ITGAE: variants seen among roughly 807,000 people sequenced by gnomAD.
The protein encoded by ITGAE is integrin subunit alpha E, also known as integrin alpha-E.
In ITGAE, 99 loss-of-function variants were observed where a neutral mutation model predicts 136.5. The observed-to-expected ratio is 0.73, with a 90% CI of 0.62 to 0.86. The LOEUF (loss-of-function observed/expected upper bound fraction) is 0.86. ITGAE is among the 40% of genes least tolerant of loss of function. The pLI, the probability that ITGAE is intolerant of heterozygous loss-of-function variation, is 0.00. For missense variants in ITGAE, 1,447 were observed against 1,515.3 expected (o/e 0.95, Z 0.75); for synonymous variants, 613 against 591.8 (o/e 1.04, Z -0.52).
intron 1 of ITGAE, among the ~76,000 whole-genome samples, chr17:3,786,426 G>T (rs1034755368): frequency 1.3e-5 from 2 of 151,986 alleles, no homozygotes; most frequent in African/African-American, 2.4e-5. Flanking sequence ...CTGTTTTAGA[G>T]AATAGAAAAT....
chr17:3,716,984 C>T (rs2050956061), intron 29 of ITGAE, 186 bp from the exon 30 acceptor site: 3 of 540,750 alleles, frequency 5.5e-6, no homozygotes, highest in Admixed American at 3.4e-5. Context: ...TAAAACTATC[C>T]AATCACCCAA....
At chr17:3,773,352 G>A (rs576325273) in intron 2 of ITGAE, among the ~76,000 whole-genome samples, 12 of 152,184 alleles carry the variant, frequency 7.9e-5, no homozygotes, top group African/African-American at 2.4e-4. Context: ...TCAGATGGGC[G>A]TGGTGGCAGG....
In ITGAE at chr17:3,777,734, T is replaced by C. The variant is rs2052577739; in HGVS notation, c.35-74A>G. 2.0e-5 allele frequency: 30 copies of C among 1,510,230 alleles called. 2 individuals carry two copies. In the South Asian group the frequency reaches 3.7e-4, roughly 19 times the overall value. 93.6% of individuals were successfully genotyped at this position (1,510,230 alleles called of 1,614,324 possible). ...TATTCCAGCAAATCCTGTGGTGTCA[T>C]GAACCCCGTTTTACAGCTGAGAAAA... On this transcript the variant is annotated intron_variant, in intron 1 of 30. Coordinates refer to ENST00000263087, the MANE Select transcript of ITGAE (RefSeq NM_002208.5).
Position 3,798,711 on chromosome 17 carries a change from T to C in ITGAE, c.34+2400A>G, listed in dbSNP as rs1466361117. Among the ~76,000 whole-genome samples, 1 of 152,194 alleles carries C rather than the reference T, an allele frequency of 6.6e-6. No homozygotes were observed. The highest frequency in any genetic ancestry group is 1.9e-4 in the East Asian group (1 of 5,186). On this transcript the variant is annotated intron_variant, in intron 1 of 30. Transcript: ENST00000263087. This position sits in a 1 kb window ranked among gnomAD's most constrained non-coding sequence, Gnocchi z 4.3. ...TCTTCTTCACCCCTGTAAGGTGTTG[T>C]AGGCTGACAGGACAGGCTTCTTCAC...
At chr17:3,720,581 T>G in intron 28 of ITGAE, 179 bp from the exon 29 acceptor site, 1 of 407,714 alleles carries the variant, frequency 2.5e-6, no homozygotes, top group African/African-American at 3.1e-5. Context: ...ATTCTTCAAC[T>G]TCCTTTTTTT....
At chr17:3,752,711 A>T (rs924281891) in intron 14 of ITGAE, among the ~76,000 whole-genome samples, 1 of 148,986 alleles carries the variant, frequency 6.7e-6, no homozygotes, top group Non-Finnish European at 1.5e-5. Context: ...AGATTGCACC[A>T]TTGCACTCCA....
intron 20 of ITGAE, among the ~76,000 whole-genome samples, chr17:3,737,248 G>A (rs763370129): frequency 6.6e-6 from 1 of 152,184 alleles, no homozygotes; most frequent in Non-Finnish European, 1.5e-5. Context: ...AGCCAAGATC[G>A]CGCCACTGCA....
At chr17:3,794,736 C>T (rs2053022899) in intron 1 of ITGAE, among the ~76,000 whole-genome samples, 1 of 152,082 alleles carries the variant, frequency 6.6e-6, no homozygotes, top group Admixed American at 6.5e-5. Flanking sequence ...GCCTCCTGGT[C>T]AGTCACTCTG....
chr17:3,734,718 G>T, intron 21 of ITGAE, 99 bp downstream of exon 21: 1 of 1,444,966 alleles, frequency 6.9e-7, no homozygotes. Context: ...GGAGGAGGCT[G>T]GAGGCAGGGG....
chr17:3,775,913 C>T (rs562990337), intron 2 of ITGAE, among the ~76,000 whole-genome samples: 31 of 152,258 alleles, frequency 2.0e-4, no homozygotes, highest in East Asian at 1.5e-3. Context: ...CACTCCCACA[C>T]GTCCCTGTTT....
chr17:3,799,760 A>C lies in ITGAE; in HGVS notation c.34+1351T>G, dbSNP rs1031488445. ...CATGTAACTAAAAACAGAGAAGTCTAAATTGTAAAATAAAAGGAAGTTCAA... is the reference window on the plus strand; with the variant it reads ...CATGTAACTAAAAACAGAGAAGTCTCAATTGTAAAATAAAAGGAAGTTCAA... On this transcript the variant is annotated intron_variant, in intron 1 of 30. Transcript: ENST00000263087. This position sits in a 1 kb window ranked among gnomAD's most constrained non-coding sequence, Gnocchi z 4.1. Among the ~76,000 whole-genome samples the C allele has an allele frequency of 6.6e-6, 1 of 152,246 alleles. No homozygotes were observed. Among genetic ancestry groups the C allele is most frequent in the African/African-American group, 2.4e-5 (1 of 41,468 alleles).
At chr17:3,797,834 A>G (rs1237117194) in intron 1 of ITGAE, among the ~76,000 whole-genome samples, 1 of 152,130 alleles carries the variant, frequency 6.6e-6, no homozygotes, top group African/African-American at 2.4e-5. Flanking sequence ...AGATGGGGCC[A>G]AGGCAGCAGC....
intron 1 of ITGAE, among the ~76,000 whole-genome samples, chr17:3,792,442 C>G (rs762392701): frequency 8.5e-5 from 13 of 152,126 alleles, no homozygotes; most frequent in Non-Finnish European, 1.2e-4. Flanking sequence ...ATTCCTTTTT[C>G]TTCACATCTC....
chr17:3,753,978 C>G (rs888265693), intron 12 of ITGAE, 53 bp from the exon 13 acceptor site: 6 of 1,582,438 alleles, frequency 3.8e-6, no homozygotes, highest in Non-Finnish European at 5.2e-6. Context: ...CACCTGGCCT[C>G]TCTCTTGGCC....
rs192185273 is a variant in ITGAE at position 3,797,727 on chromosome 17, C to T, written c.34+3384G>A. 4.5e-3 allele frequency among the ~76,000 whole-genome samples: 685 copies of T among 152,234 alleles called. 2 individuals are homozygous for T. Among genetic ancestry groups the T allele is most frequent in the Non-Finnish European group, 7.7e-3 (523 of 68,002 alleles). On this transcript the variant is annotated intron_variant, in intron 1 of 30. Transcript: ENST00000263087. ...CTGCCCGCCTTGGCCTCCCATAGTG[C>T]TGGGATTTCAGGCGTGAGCCACCGT...
intron 1 of ITGAE, among the ~76,000 whole-genome samples, chr17:3,792,615 T>C (rs551551145): frequency 4.6e-5 from 7 of 152,306 alleles, no homozygotes; most frequent in Admixed American, 1.3e-4. Flanking sequence ...ACAGCTAACA[T>C]GTAGATCACG....
At chr17:3,734,683 T>C in intron 21 of ITGAE, 134 bp downstream of exon 21, 1 of 1,088,866 alleles carries the variant, frequency 9.2e-7, no homozygotes, top group South Asian at 1.4e-5. Context: ...TTTATCTAGT[T>C]ATTAACCATC....
chr17:3,723,293 CAG>C lies in ITGAE; in HGVS notation c.3230_3231del (p.Ser1077Ter). 1.2e-6 allele frequency: 2 copies of C among 1,607,988 alleles called. No individual in the cohort carries two copies. The highest frequency in any genetic ancestry group is 1.7e-6 in the Non-Finnish European group (2 of 1,174,352). Reference protein sequence around the residue: ...TVAAEISWDHSEELLKDVTEL... With the variant: ...TVAAEISWDHXEELLKDVTEL... ...AGCATTTCAGTCTCAAACACCTCCT[CAG>C]AGTGATCCCAGGAGATCTCTGCAGC... On this transcript the variant is annotated frameshift_variant, in exon 28 of 31. Transcript: ENST00000263087. LOFTEE classifies it high-confidence loss of function.
chr17:3,797,997 C>A (rs754176905), intron 1 of ITGAE, among the ~76,000 whole-genome samples: 2 of 152,190 alleles, frequency 1.3e-5, no homozygotes, highest in African/African-American at 2.4e-5. Flanking sequence ...CAGGTCCCCA[C>A]GTTCCTCACC....
Sources: gnomAD v4.1 joint callset for allele counts (sites outside exome capture counted in the v4.1 genomes callset) on GRCh38, gnomAD v4.1.1 for gene constraint, Gnocchi (gnomAD v3.1) non-coding constraint, MANE v1.5 for transcripts, NCBI Gene and HGNC (gene_info 2026-07-23, HGNC 2026-07-21) for gene names.